UNC13C: variants seen among roughly 807,000 people sequenced by gnomAD.
UNC13C encodes protein unc-13 homolog C.
A neutral mutation model predicts 245.4 loss-of-function variants in UNC13C; 174 were observed. The observed-to-expected ratio is 0.71, with a 90% CI of 0.63 to 0.80. The LOEUF (loss-of-function observed/expected upper bound fraction) is 0.80. UNC13C is among the 30% of genes least tolerant of loss of function. The probability of loss-of-function intolerance (pLI) is 0.00; values close to 1 mark genes in which losing one functional copy is unlikely to be tolerated. For missense variants in UNC13C, 2,829 were observed against 2,602.9 expected (o/e 1.09, Z -1.89); for synonymous variants, 992 against 895.1 (o/e 1.11, Z -1.93).
In UNC13C at chr15:54,075,646, A is replaced by G. The variant is rs117244048; in HGVS notation, c.2983+59760A>G. On this transcript the variant is annotated intron_variant, in intron 2 of 32. Transcript: ENST00000260323. ...TTTGTCCAGTATGTCAGACTTCTTG[A>G]GCTTTCCATAAGTGATGGTTGTTAA... is the stretch of plus-strand genomic sequence containing the variant. Among the ~76,000 whole-genome samples the G allele has an allele frequency of 1.3e-4, 20 of 150,396 alleles. No homozygotes were observed. The East Asian group carries it at 3.5e-3, about 26-fold the overall frequency.
At chr15:54,069,883 G>C (rs1435905913) in intron 2 of UNC13C, among the ~76,000 whole-genome samples, 1 of 152,188 alleles carries the variant, frequency 6.6e-6, no homozygotes, top group East Asian at 1.9e-4. Flanking sequence ...TCTTTCCTTG[G>C]CCACAGAAGC....
intron 4 of UNC13C, among the ~76,000 whole-genome samples, chr15:54,201,985 T>G (rs189505364): frequency 6.6e-6 from 1 of 151,984 alleles, no homozygotes; most frequent in African/African-American, 2.4e-5. Context: ...ATAAAATCAA[T>G]GTACACAAAT....
chr15:54,320,914 C>A, intron 13 of UNC13C: 2 of 343,124 alleles, frequency 5.8e-6, no homozygotes, highest in Admixed American at 3.7e-5. Context: ...TTGTAGCTTC[C>A]ACTACTTCCG....
chr15:54,095,224 A>G (rs1899792050), intron 2 of UNC13C, among the ~76,000 whole-genome samples: 1 of 152,168 alleles, frequency 6.6e-6, no homozygotes, highest in Non-Finnish European at 1.5e-5. Flanking sequence ...AAACTCTAGG[A>G]CATACAACAT....
chr15:54,346,745 G>A (rs1364040450), intron 17 of UNC13C, among the ~76,000 whole-genome samples: 1 of 152,142 alleles, frequency 6.6e-6, no homozygotes, highest in Admixed American at 6.6e-5. Flanking sequence ...CTGCACTTCA[G>A]TTTAGCTTAG....
At chr15:53,859,105 A>G in the UNC13C span, among the ~76,000 whole-genome samples, 12 of 152,162 alleles carry the variant, frequency 7.9e-5, no homozygotes, top group Non-Finnish European at 1.5e-4. Flanking sequence ...GAAGAAAGCT[A>G]GTTAACTAGC....
the UNC13C span, among the ~76,000 whole-genome samples, chr15:53,947,148 T>C: frequency 2.0e-5 from 3 of 152,194 alleles, no homozygotes; most frequent in African/African-American, 7.2e-5. Flanking sequence ...TAGCAAGCCA[T>C]ATGGTCTGTC....
intron 11 of UNC13C, 141 bp from the exon 12 acceptor site, chr15:54,297,670 A>G (rs2140942031): frequency 4.4e-6 from 3 of 675,952 alleles, no homozygotes; most frequent in South Asian, 3.4e-5. Context: ...TGGTTACTTA[A>G]TAAGCAGCTC....
chr15:53,841,689 A>G, the UNC13C span, among the ~76,000 whole-genome samples: 1 of 152,176 alleles, frequency 6.6e-6, no homozygotes, highest in South Asian at 2.1e-4. Flanking sequence ...ATGTTTTAAC[A>G]TAGATCTGTA....
chr15:54,045,411 CT>C (rs534686288), intron 2 of UNC13C, among the ~76,000 whole-genome samples: 159 of 152,058 alleles, frequency 1.0e-3, no homozygotes, highest in Non-Finnish European at 1.7e-3. Flanking sequence ...GAATTTCCAT[CT>C]TTTTTTTCCC....
At chr15:54,151,960 A>C (rs1030195501) in intron 4 of UNC13C, among the ~76,000 whole-genome samples, 1 of 152,174 alleles carries the variant, frequency 6.6e-6, no homozygotes, top group Admixed American at 6.5e-5. Flanking sequence ...GTGAGCCACT[A>C]ACTCGACCTC....
intron 4 of UNC13C, among the ~76,000 whole-genome samples, chr15:54,200,226 A>G (rs2034479888): frequency 6.6e-6 from 1 of 152,084 alleles, no homozygotes; most frequent in South Asian, 2.1e-4. Flanking sequence ...ACAGCAACAT[A>G]TTAGTAGGGG....
the UNC13C span, among the ~76,000 whole-genome samples, chr15:53,841,549 G>T: frequency 1.3e-5 from 2 of 152,074 alleles, no homozygotes; most frequent in African/African-American, 4.8e-5. Context: ...AGATATTTTT[G>T]TTGAGAATAA....
At chr15:54,609,944 C>G (rs1031068303) in intron 30 of UNC13C, among the ~76,000 whole-genome samples, 1 of 152,094 alleles carries the variant, frequency 6.6e-6, no homozygotes, top group Non-Finnish European at 1.5e-5. Flanking sequence ...ACCATCAGAT[C>G]TCATGATAAC....
rs1052558555 is a variant in UNC13C, at chr15:54,460,597, G to A, written c.4934-34011G>A. Among the ~76,000 whole-genome samples the A allele has an allele frequency of 3.3e-5, 5 of 152,320 alleles. 1 individual carries two copies. The highest frequency in any genetic ancestry group is 6.5e-5 in the Admixed American group (1 of 15,298). On this transcript the variant is annotated intron_variant, in intron 19 of 32. Coordinates refer to ENST00000260323, the MANE Select transcript of UNC13C (RefSeq NM_001080534.3). Reference sequence around the variant, plus strand: ...GGGGATATAATCTTACCCTAAGTTGGCCAGGATAAGTACTTGGGTTTCTCA... The same window carrying A: ...GGGGATATAATCTTACCCTAAGTTGACCAGGATAAGTACTTGGGTTTCTCA...
chr15:54,047,086 G>A (rs1182508889), intron 2 of UNC13C, among the ~76,000 whole-genome samples: 2 of 151,906 alleles, frequency 1.3e-5, no homozygotes, highest in Admixed American at 1.3e-4. Flanking sequence ...AAAAAGTTAC[G>A]TGGTAATAAT....
At chr15:54,210,036 T>A (rs531277270) in intron 4 of UNC13C, among the ~76,000 whole-genome samples, 10 of 151,828 alleles carry the variant, frequency 6.6e-5, no homozygotes, top group Non-Finnish European at 8.8e-5. Flanking sequence ...TTAACTGCTG[T>A]GAAACACAAT....
intron 4 of UNC13C, among the ~76,000 whole-genome samples, chr15:54,179,287 A>G (rs80194710): frequency 0.022 from 3,320 of 152,248 alleles, 135 homozygotes; most frequent in African/African-American, 0.076. Context: ...GTGGCTGATA[A>G]TCAAAAGAAA....
chr15:53,867,725 T>A, the UNC13C span, among the ~76,000 whole-genome samples: 1 of 152,238 alleles, frequency 6.6e-6, no homozygotes, highest in Non-Finnish European at 1.5e-5. Flanking sequence ...CCTTCCTGCC[T>A]ATTAATATGA....
Sources: gnomAD v4.1 joint callset for allele counts (sites outside exome capture counted in the v4.1 genomes callset) on GRCh38, gnomAD v4.1.1 for gene constraint, MANE v1.5 for transcripts, NCBI Gene and HGNC (gene_info 2026-07-23, HGNC 2026-07-21) for gene names.